SAMD3: variants seen among roughly 807,000 people sequenced by gnomAD.
SAMD3 encodes the protein sterile alpha motif domain containing 3.
In SAMD3, 63 loss-of-function variants were observed where a neutral mutation model predicts 58.5. The observed-to-expected ratio is 1.08, with a 90% CI of 0.88 to 1.33. The LOEUF (loss-of-function observed/expected upper bound fraction) is 1.33, where lower values mean the gene tolerates loss of function less well. SAMD3 is among the 40% of genes most tolerant of loss of function. The probability of loss-of-function intolerance (pLI) is 0.00; values close to 1 mark genes in which losing one functional copy is unlikely to be tolerated. For synonymous variants in SAMD3, 220 were observed against 210.3 expected (o/e 1.05, Z -0.40); for missense variants, 604 against 608.4 (o/e 0.99, Z 0.08).
intron 1 of SAMD3, among the ~76,000 whole-genome samples, chr6:130,336,483 G>A (rs1777104989): frequency 2.6e-5 from 4 of 152,206 alleles, no homozygotes; most frequent in South Asian, 4.1e-4. Context: ...TCCTAGGTGA[G>A]TGGAAGTAAC....
chr6:130,144,195 T>G, downstream of SAMD3: 2 of 292,374 alleles, frequency 6.8e-6, no homozygotes, highest in South Asian at 4.8e-5. Flanking sequence ...CTGAATTCAG[T>G]CCAAGGCCAT....
At chr6:130,295,299 G>C (rs1376001031) in intron 2 of SAMD3, among the ~76,000 whole-genome samples, 1 of 152,110 alleles carries the variant, frequency 6.6e-6, no homozygotes, top group Non-Finnish European at 1.5e-5. Flanking sequence ...GACTCAAGTT[G>C]GGCTTCACTA....
At chr6:130,318,374 G>A (rs1280116007) in intron 1 of SAMD3, among the ~76,000 whole-genome samples, 1 of 152,106 alleles carries the variant, frequency 6.6e-6, no homozygotes, top group African/African-American at 2.4e-5. Context: ...AAATACATAT[G>A]CAGCACCCAA....
At chr6:130,336,717 C>T (rs1222626096) in intron 1 of SAMD3, among the ~76,000 whole-genome samples, 2 of 152,162 alleles carry the variant, frequency 1.3e-5, no homozygotes, top group East Asian at 3.9e-4. Flanking sequence ...AAGGTAATTG[C>T]TTTGCTTTGA....
At chr6:130,282,384 T>A (rs887286189) in intron 2 of SAMD3, among the ~76,000 whole-genome samples, 2 of 152,140 alleles carry the variant, frequency 1.3e-5, no homozygotes, top group African/African-American at 4.8e-5. Flanking sequence ...TAGGCAAGTA[T>A]AAATGCATAG....
chr6:130,146,897 C>T (rs555140240), intron 9 of SAMD3, among the ~76,000 whole-genome samples: 4 of 152,050 alleles, frequency 2.6e-5, no homozygotes, highest in South Asian at 2.1e-4. Flanking sequence ...TGCCTTAGCC[C>T]GGGGAGATCG....
rs6903397 is a variant in SAMD3 at position 130,334,670 on chromosome 6, T to C, written c.-303-21577A>G. ...GGTTGTTGGGAAGATTTAAAGAGGT[T>C]ACATGCATTTCCAGTATCTTACCCA... On this transcript the variant is annotated intron_variant, in intron 1 of 13. Transcript: ENST00000368134. Among the ~76,000 whole-genome samples, 1,109 of 152,334 alleles carry C rather than the reference T, an allele frequency of 7.3e-3. 16 individuals carry two copies. The highest frequency in any genetic ancestry group is 0.023 in the African/African-American group (971 of 41,574).
At chr6:130,145,478 A>G in intron 10 of SAMD3, 56 bp from the exon 11 acceptor site, 1 of 1,208,050 alleles carries the variant, frequency 8.3e-7, no homozygotes, top group Non-Finnish European at 1.2e-6. Context: ...AGCAATTGTA[A>G]GCTAAGCTAG....
chr6:130,247,750 A>G (rs1266451117), intron 2 of SAMD3, among the ~76,000 whole-genome samples: 1 of 152,174 alleles, frequency 6.6e-6, no homozygotes, highest in Non-Finnish European at 1.5e-5. Flanking sequence ...TTTTTTACAG[A>G]CATATTTGAC....
At chr6:130,348,968 C>T (rs1387536449) in intron 1 of SAMD3, among the ~76,000 whole-genome samples, 110 of 152,176 alleles carry the variant, frequency 7.2e-4, no homozygotes, top group African/African-American at 2.3e-3. Flanking sequence ...CAACCTGCTC[C>T]TGAATGACTA....
At chr6:130,187,663 T>TA (rs374857947) in intron 5 of SAMD3, among the ~76,000 whole-genome samples, 2 of 152,122 alleles carry the variant, frequency 1.3e-5, no homozygotes, top group East Asian at 1.9e-4. Context: ...TGCATTGGAT[T>TA]AAAAAAAGCT....
intron 3 of SAMD3, 128 bp from the exon 4 acceptor site, chr6:130,214,654 C>A (rs1795879077): frequency 1.7e-6 from 1 of 600,296 alleles, no homozygotes; most frequent in African/African-American, 1.9e-5. Flanking sequence ...ATAAATTTAT[C>A]CATATTTTTG....
intron 1 of SAMD3, among the ~76,000 whole-genome samples, chr6:130,326,464 A>G (rs1230362657): frequency 6.8e-6 from 1 of 148,060 alleles, no homozygotes; most frequent in Non-Finnish European, 1.5e-5. Flanking sequence ...AGGTTGTATT[A>G]CATGCCCCCT....
intron 1 of SAMD3, among the ~76,000 whole-genome samples, chr6:130,337,292 C>T (rs1034155106): frequency 1.3e-5 from 2 of 152,140 alleles, no homozygotes; most frequent in South Asian, 4.2e-4. Context: ...TCTTCTGCCA[C>T]CAATTAAGAC....
intron 1 of SAMD3, among the ~76,000 whole-genome samples, chr6:130,351,195 G>A (rs549904928): frequency 2.6e-5 from 4 of 152,146 alleles, no homozygotes; most frequent in Non-Finnish European, 5.9e-5. Context: ...AACACCAAAA[G>A]CAATGGCAAC....
At chr6:130,208,386 G>T (rs565209291) in intron 5 of SAMD3, among the ~76,000 whole-genome samples, 1 of 152,302 alleles carries the variant, frequency 6.6e-6, no homozygotes, top group Admixed American at 6.5e-5. Context: ...TTAACCCTCA[G>T]GACACAGACT....
At chr6:130,338,440 C>A (rs1294173976) in intron 1 of SAMD3, among the ~76,000 whole-genome samples, 1 of 152,198 alleles carries the variant, frequency 6.6e-6, no homozygotes, top group Non-Finnish European at 1.5e-5. Context: ...TAGGGCACTG[C>A]CTAGTGGAGC....
intron 2 of SAMD3, among the ~76,000 whole-genome samples, chr6:130,276,503 A>T (rs1774779964): frequency 6.6e-6 from 1 of 152,168 alleles, no homozygotes; most frequent in Non-Finnish European, 1.5e-5. Flanking sequence ...AACAGATATT[A>T]AGCATATTAA....
chr6:130,228,440 A>G (rs2326950), intron 2 of SAMD3, among the ~76,000 whole-genome samples: 34,671 of 152,118 alleles, frequency 0.23, 8,752 homozygotes, highest in African/African-American at 0.63. Context: ...CCAGAAATGG[A>G]CGGGCACAGG....
Sources: gnomAD v4.1 joint callset for allele counts (sites outside exome capture counted in the v4.1 genomes callset) on GRCh38, gnomAD v4.1.1 for gene constraint, MANE v1.5 for transcripts, NCBI Gene and HGNC (gene_info 2026-07-23, HGNC 2026-07-21) for gene names.